CANT1: variants seen among roughly 807,000 people sequenced by gnomAD.
CANT1 encodes the protein soluble calcium-activated nucleotidase 1.
A neutral mutation model predicts 30.0 loss-of-function variants in CANT1; 26 were observed. The observed-to-expected ratio is 0.87, with a 90% confidence interval of 0.64 to 1.20. The LOEUF (loss-of-function observed/expected upper bound fraction) is 1.20, where lower values mean the gene tolerates loss of function less well. Ranked by LOEUF, CANT1 falls within the 50% of genes most tolerant of loss-of-function variation. CANT1 has a pLI of 0.00. For synonymous variants in CANT1, 246 were observed against 251.8 expected, an observed-to-expected ratio of 0.98 and a Z score of 0.22; for missense variants, 518 against 563.0, an observed-to-expected ratio of 0.92 and a Z score of 0.81.
In CANT1 at chr17:78,997,311, C is replaced by A; in HGVS notation, c.312G>T (p.Arg104=). Reference sequence around the variant, plus strand: ...GGTCTGCGATAACTGCGATTCGATACCGAATCCCAGCCGGTGTCCTTTGTG... The same window carrying A: ...GGTCTGCGATAACTGCGATTCGATAACGAATCCCAGCCGGTGTCCTTTGTG... ...SPPQRTPAGI[R]YRIAVIADLD... is the part of the protein sequence containing the mutation. The change falls in exon 3 of 5, where the codon CGG becomes CGT. Residue 104 remains arginine (R), a synonymous_variant. Transcript: ENST00000392446. The surrounding 1 kb of genome is among the most constrained non-coding windows in gnomAD (Gnocchi z 7.5). 3 of 1,614,162 alleles carry A rather than the reference C, an allele frequency of 1.9e-6. No individual in the cohort carries two copies. Among genetic ancestry groups the A allele is most frequent in the Non-Finnish European group, 2.5e-6 (3 of 1,180,024 alleles).
rs143586373 is a variant in CANT1, at chr17:79,002,684, C to T, written c.-146-4721G>A. Among the ~76,000 whole-genome samples the T allele has an allele frequency of 2.0e-5, 3 of 152,362 alleles. No homozygotes were observed. The highest frequency in any genetic ancestry group is 1.3e-4 in the Admixed American group (2 of 15,314). ...AAAATACTGACTCCCTGTCCCTCGA[C>T]AGATCCCTGGTCAAGACCATCTCAA... is the stretch of plus-strand genomic sequence containing the variant. On this transcript the variant is annotated intron_variant, in intron 1 of 4. Coordinates refer to ENST00000392446, the MANE Select transcript of CANT1 (RefSeq NM_001159773.2). This position sits in a 1 kb window ranked among gnomAD's most constrained non-coding sequence, Gnocchi z 4.0.
intron 1 of CANT1, among the ~76,000 whole-genome samples, chr17:79,004,071 AGAGGGGAGTTAGG>A (rs1186323638): frequency 1.2e-4 from 1 of 8,352 alleles, no homozygotes; most frequent in Non-Finnish European, 2.3e-4. Flanking sequence ...GGAGTTAGGG[AGAGGGGAGTTAGG>A]GAGGGGAGTT....
Position 78,995,122 on chromosome 17 carries a change from T to C in CANT1, c.731A>G (p.Asn244Ser). 1 of 1,613,824 alleles carries C rather than the reference T, an allele frequency of 6.2e-7. No individual in the cohort carries two copies. ...GCCCACCACCTTCACCCACTCCGGGTTCTCGTTCACCACATCACCCGTAGT... is the reference window on the plus strand; with the variant it reads ...GCCCACCACCTTCACCCACTCCGGGCTCTCGTTCACCACATCACCCGTAGT... ...TTTTGDVVNE[N>S]PEWVKVVGYK... The change falls in exon 4 of 5, where the codon AAC becomes AGC. Residue 244 changes from asparagine to serine, a missense_variant. By Grantham distance (46) the Asn-to-Ser change is conservative. This residue lies in a region of CANT1 where 48 missense variants were observed against 82.5 expected (regional missense o/e 0.58). Transcript: ENST00000392446. The surrounding 1 kb of genome is among the most constrained non-coding windows in gnomAD (Gnocchi z 5.7).
At position 78,998,423 on chromosome 17, in the gene CANT1, C is replaced by G. The variant is rs538087103; in HGVS notation, c.-146-460G>C. On this transcript the variant is annotated intron_variant, in intron 1 of 4. Transcript: ENST00000392446. This position sits in a 1 kb window ranked among gnomAD's most constrained non-coding sequence, Gnocchi z 4.5. ...AAATGACTGCAGGGACCAGAGTCTG[C>G]GCTGCCCTGACTGCCTGGAGGCCAG... 6.6e-6 allele frequency: 1 copy of G among 152,264 alleles called. No individual in the cohort carries two copies. The highest frequency in any genetic ancestry group is 1.5e-5 in the Non-Finnish European group (1 of 68,068). The allele number at this position is 152,264 out of a possible 1,614,324, so 9.4% of individuals were successfully genotyped here.
Position 78,993,367 on chromosome 17 carries a change from C to T in CANT1, c.*183G>A, listed in dbSNP as rs1001093756. 1 of 790,784 alleles carries T rather than the reference C, an allele frequency of 1.3e-6. No individual in the cohort carries two copies. The highest frequency in any genetic ancestry group is 2.0e-6 in the Non-Finnish European group (1 of 492,884). The allele number at this position is 790,784 out of a possible 1,614,324, so 49.0% of individuals were successfully genotyped here. On this transcript the variant is annotated 3_prime_UTR_variant, in exon 5 of 5. Coordinates refer to ENST00000392446, the MANE Select transcript of CANT1 (RefSeq NM_001159773.2). The surrounding 1 kb of genome is among the most constrained non-coding windows in gnomAD (Gnocchi z 4.5). ...TGGCAGCATGGAAAGCAGTTCAGAC[C>T]GCGGCCTCCGTGGGGCCCGGGGGTC...
chr17:79,001,800 C>T (rs2071272884), intron 1 of CANT1, among the ~76,000 whole-genome samples: 2 of 152,064 alleles, frequency 1.3e-5, no homozygotes, highest in South Asian at 4.1e-4. Context: ...CAGGGCCTGC[C>T]CTCTAAGGTG....
At chr17:79,001,426 C>A (rs922547979) in intron 1 of CANT1, among the ~76,000 whole-genome samples, 1 of 152,148 alleles carries the variant, frequency 6.6e-6, no homozygotes, top group Non-Finnish European at 1.5e-5. Flanking sequence ...CACAGGCTGC[C>A]CCAAGTCGCC....
chr17:79,001,684 G>A (rs575105547), intron 1 of CANT1, among the ~76,000 whole-genome samples: 2 of 151,844 alleles, frequency 1.3e-5, no homozygotes, highest in South Asian at 2.1e-4. Context: ...CAAACCCAGT[G>A]AGCACATTGT....
intron 1 of CANT1, chr17:79,005,266 G>A (rs2071507756): frequency 6.6e-6 from 1 of 150,682 alleles, no homozygotes; most frequent in Non-Finnish European, 1.5e-5. Context: ...AGAGCGAGGA[G>A]TTAGGGAGCG....
At position 78,992,162 on chromosome 17, in the gene CANT1, A is replaced by G. The variant is rs1316802238; in HGVS notation, c.*1388T>C. ...CTACCTATGACATAGCGGGGGAAAG[A>G]GACAACCATGAGAGAGGGGTCCCTC... On this transcript the variant is annotated 3_prime_UTR_variant, in exon 5 of 5. Coordinates refer to ENST00000392446, the MANE Select transcript of CANT1 (RefSeq NM_001159773.2). 4.3e-6 allele frequency: 1 copy of G among 232,672 alleles called. No homozygotes were observed. Among genetic ancestry groups the G allele is most frequent in the Non-Finnish European group, 8.5e-6 (1 of 117,796 alleles). 14.4% of individuals were successfully genotyped at this position (232,672 alleles called of 1,614,324 possible).
At chr17:79,000,615 G>A (rs759787801) in intron 1 of CANT1, among the ~76,000 whole-genome samples, 5 of 152,058 alleles carry the variant, frequency 3.3e-5, no homozygotes, top group Non-Finnish European at 7.4e-5. Flanking sequence ...CTCTGCTCCC[G>A]CTCAGCCCTC....
chr17:79,008,927 G>A lies in CANT1; in HGVS notation c.-147+737C>T, dbSNP rs867747302. On this transcript the variant is annotated intron_variant, in intron 1 of 4. Coordinates refer to ENST00000392446, the MANE Select transcript of CANT1 (RefSeq NM_001159773.2). The surrounding 1 kb of genome is among the most constrained non-coding windows in gnomAD (Gnocchi z 4.4). ...CAGGGAGAGCAAGGACTGGGATGGG[G>A]TGGGGAAGGTTGGCCTGTTACAGGT... Among the ~76,000 whole-genome samples, 1 of 152,214 alleles carries A rather than the reference G, an allele frequency of 6.6e-6. No homozygotes were observed. Among genetic ancestry groups the A allele is most frequent in the East Asian group, 1.9e-4 (1 of 5,202 alleles).
At position 78,996,350 on chromosome 17, in the gene CANT1, T is replaced by C. The variant is rs2071034208; in HGVS notation, c.631+642A>G. On this transcript the variant is annotated intron_variant, in intron 3 of 4. Transcript: ENST00000392446. The surrounding 1 kb of genome is among the most constrained non-coding windows in gnomAD (Gnocchi z 5.1). ...GCTGGCAGCTCCTCTGCCAGCGTCC[T>C]TGGCACCTCCCCAGCTCCTCTCTGG... Among the ~76,000 whole-genome samples the C allele has an allele frequency of 6.6e-6, 1 of 152,138 alleles. No individual in the cohort carries two copies. Among genetic ancestry groups the C allele is most frequent in the African/African-American group, 2.4e-5 (1 of 41,430 alleles).
chr17:79,007,437 C>T (rs1300873544), intron 1 of CANT1, among the ~76,000 whole-genome samples: 1 of 152,184 alleles, frequency 6.6e-6, no homozygotes, highest in African/African-American at 2.4e-5. Flanking sequence ...TGACCCATTT[C>T]AGGACCTGGA....
Position 78,996,478 on chromosome 17 carries a change from A to G in CANT1, c.631+514T>C, listed in dbSNP as rs978854830. On this transcript the variant is annotated intron_variant, in intron 3 of 4. Transcript: ENST00000392446. The surrounding 1 kb of genome is among the most constrained non-coding windows in gnomAD (Gnocchi z 5.1). Reference sequence around the variant, plus strand: ...AAAGGCTGGCATCAGGCTCCACTCCAGGGGGGTTGGCACAGCTCACACATG... The same window carrying G: ...AAAGGCTGGCATCAGGCTCCACTCCGGGGGGGTTGGCACAGCTCACACATG... Among the ~76,000 whole-genome samples the G allele has an allele frequency of 6.6e-6, 1 of 152,086 alleles. No homozygotes were observed. The highest frequency in any genetic ancestry group is 2.4e-5 in the African/African-American group (1 of 41,422).
rs1185532287 is a variant in CANT1, at chr17:78,997,356, G to A, written c.267C>T (p.Asp89=). ...TTTGTGGGGGAGACAGGGGGTAGGT[G>A]TCATTGTACCAGTTGGCGGGCGCCT... ...LGQAPANWYN[D]TYPLSPPQRT... is the part of the protein sequence containing the mutation. The change falls in exon 3 of 5, where the codon GAC becomes GAT. Residue 89 remains aspartate (D), a synonymous_variant. Coordinates refer to ENST00000392446, the MANE Select transcript of CANT1 (RefSeq NM_001159773.2). The surrounding 1 kb of genome is among the most constrained non-coding windows in gnomAD (Gnocchi z 7.5). The A allele has an allele frequency of 1.9e-6, 3 of 1,613,892 alleles. No individual in the cohort carries two copies. The African/African-American group carries it at 4.0e-5, about 22-fold the overall frequency.
At position 78,999,274 on chromosome 17, in the gene CANT1, C is replaced by A. The variant is rs1327935898; in HGVS notation, c.-146-1311G>T. Among the ~76,000 whole-genome samples the A allele has an allele frequency of 3.3e-5, 5 of 152,286 alleles. No homozygotes were observed. In the East Asian group the frequency reaches 9.7e-4, roughly 29 times the overall value. On this transcript the variant is annotated intron_variant, in intron 1 of 4. Coordinates refer to ENST00000392446, the MANE Select transcript of CANT1 (RefSeq NM_001159773.2). ...CTCCATGCTCCCTTTAAGGGGCAGG[C>A]CTCTCAGGACCCCCTGAGGTGGTCA...
Position 78,992,462 on chromosome 17 carries a change from C to G in CANT1, c.*1088G>C, listed in dbSNP as rs1167926656. ...ACCCTGGAGTACACTCCAGCGAAGC[C>G]GAGGCCCAGCCAACGCTCGTGAAGT... On this transcript the variant is annotated 3_prime_UTR_variant, in exon 5 of 5. Transcript: ENST00000392446. The G allele has an allele frequency of 8.1e-6, 3 of 371,176 alleles. No individual in the cohort carries two copies. Among genetic ancestry groups the G allele is most frequent in the Non-Finnish European group, 1.6e-5 (3 of 192,492 alleles). The allele number at this position is 371,176 out of a possible 1,614,324, so 23.0% of individuals were successfully genotyped here. A position where few individuals can be genotyped will look rare whatever the true frequency, so the allele number is the denominator to read the frequency against.
At chr17:79,006,738 T>C (rs2145859182) in intron 1 of CANT1, among the ~76,000 whole-genome samples, 1 of 152,338 alleles carries the variant, frequency 6.6e-6, no homozygotes, top group Non-Finnish European at 1.5e-5. Context: ...TGGGAAGGTG[T>C]CCTTTTCCAG....
Sources: gnomAD v4.1 joint callset for allele counts (sites outside exome capture counted in the v4.1 genomes callset) on GRCh38, gnomAD v4.1.1 for gene constraint, gnomAD v4.1.1 regional missense constraint, Gnocchi (gnomAD v3.1) non-coding constraint, MANE v1.5 for transcripts, NCBI Gene and HGNC (gene_info 2026-07-23, HGNC 2026-07-21) for gene names.